LARP4B: variants seen among roughly 807,000 people sequenced by gnomAD.
LARP4B encodes La ribonucleoprotein 4B.
In LARP4B, 12 loss-of-function variants were observed where a neutral mutation model predicts 89.8. That is an observed-to-expected ratio of 0.13 (90% CI 0.09 to 0.22). The LOEUF (loss-of-function observed/expected upper bound fraction) is 0.22, where lower values mean the gene tolerates loss of function less well. LARP4B is among the 10% of genes least tolerant of loss of function. The probability of loss-of-function intolerance (pLI) is 1.00; values close to 1 mark genes in which losing one functional copy is unlikely to be tolerated. For missense variants in LARP4B, 757 were observed against 947.7 expected, an observed-to-expected ratio of 0.80 and a Z score of 2.64; for synonymous variants, 367 against 363.3, an observed-to-expected ratio of 1.01 and a Z score of -0.12.
intron 1 of LARP4B, among the ~76,000 whole-genome samples, chr10:887,435 T>C (rs959803281): frequency 6.8e-5 from 10 of 147,222 alleles, no homozygotes; most frequent in African/African-American, 2.2e-4. Context: ...AAAGGTCAGA[T>C]GTGGTGGCTC....
intron 1 of LARP4B, among the ~76,000 whole-genome samples, chr10:919,077 T>G (rs1303522442): frequency 2.4e-4 from 36 of 152,036 alleles, no homozygotes; most frequent in Non-Finnish European, 2.9e-5. Context: ...TGAGACTCCG[T>G]CTCAAAAAAA....
At chr10:902,024 A>G (rs1410860054) in intron 1 of LARP4B, among the ~76,000 whole-genome samples, 1 of 152,224 alleles carries the variant, frequency 6.6e-6, no homozygotes, top group Admixed American at 6.5e-5. Flanking sequence ...ACACACAAAA[A>G]AAGGACAACG....
the LARP4B span, among the ~76,000 whole-genome samples, chr10:937,586 A>AC: frequency 1.3e-3 from 203 of 151,382 alleles, no homozygotes; most frequent in African/African-American, 4.4e-3. Context: ...TGGCGGCCTG[A>AC]CCCCCCCTCC....
intron 1 of LARP4B, among the ~76,000 whole-genome samples, chr10:892,189 C>CAGG (rs1836049590): frequency 6.6e-6 from 1 of 152,216 alleles, no homozygotes; most frequent in South Asian, 2.1e-4. Flanking sequence ...CTGAATTGGA[C>CAGG]AGGAGGATTT....
chr10:898,900 T>C (rs571331909), intron 1 of LARP4B, among the ~76,000 whole-genome samples: 10 of 152,360 alleles, frequency 6.6e-5, no homozygotes, highest in Non-Finnish European at 1.5e-5. Context: ...TTCAACTATA[T>C]GTGCCTGGAG....
At chr10:958,225 C>A in the LARP4B span, among the ~76,000 whole-genome samples, 570 of 152,310 alleles carry the variant, frequency 3.7e-3, 1 homozygote, top group African/African-American at 0.013. Context: ...GAGAGCTGAC[C>A]TGTCTTGCTG....
intron 13 of LARP4B, 83 bp downstream of exon 13, chr10:824,982 A>G: frequency 7.5e-7 from 1 of 1,330,822 alleles, no homozygotes; most frequent in Non-Finnish European, 1.0e-6. Context: ...ACATATTTAA[A>G]GACAATTACA....
chr10:926,994 C>T (rs1206919297), intron 1 of LARP4B, among the ~76,000 whole-genome samples: 4 of 150,732 alleles, frequency 2.7e-5, no homozygotes, highest in Admixed American at 6.6e-5. Context: ...GAGCCGTGAT[C>T]GTGCCAGTGC....
At chr10:955,327 C>T in the LARP4B span, among the ~76,000 whole-genome samples, 4 of 152,242 alleles carry the variant, frequency 2.6e-5, no homozygotes, top group African/African-American at 7.2e-5. This position sits in a 1 kb window ranked among gnomAD's most constrained non-coding sequence, Gnocchi z 5.2. Flanking sequence ...GGGGGGCCCA[C>T]ACCACAGGCG....
intron 1 of LARP4B, among the ~76,000 whole-genome samples, chr10:910,584 G>C (rs185172265): frequency 1.3e-5 from 2 of 152,324 alleles, no homozygotes; most frequent in Admixed American, 1.3e-4. Context: ...TCCTTTAAGA[G>C]TGAGGGCTTT....
At chr10:944,309 C>G in the LARP4B span, among the ~76,000 whole-genome samples, 1 of 152,070 alleles carries the variant, frequency 6.6e-6, no homozygotes, top group African/African-American at 2.4e-5. Context: ...AAACCTGTTT[C>G]CTGGGAAGGT....
the LARP4B span, among the ~76,000 whole-genome samples, chr10:938,292 C>G: frequency 2.0e-5 from 3 of 150,680 alleles, no homozygotes; most frequent in East Asian, 5.8e-4. Flanking sequence ...GCTCTGTCAC[C>G]CAGGCTGGAG....
chr10:987,860 T>C, the LARP4B span: 1 of 152,346 alleles, frequency 6.6e-6, no homozygotes, highest in African/African-American at 2.4e-5. Flanking sequence ...CCGCCCGTTT[T>C]GGGATTTAAC....
At chr10:974,697 T>TGTTTACAG in the LARP4B span, among the ~76,000 whole-genome samples, 2 of 152,222 alleles carry the variant, frequency 1.3e-5, no homozygotes, top group African/African-American at 4.8e-5. Flanking sequence ...GGCCAGACTG[T>TGTTTACAG]AATCGGTTCT....
the LARP4B span, among the ~76,000 whole-genome samples, chr10:946,539 A>T: frequency 2.0e-5 from 3 of 152,220 alleles, no homozygotes; most frequent in East Asian, 5.8e-4. Flanking sequence ...AAAGAATCTC[A>T]TAGGGTTAGG....
rs1318738581 is a variant in LARP4B at position 813,153 on chromosome 10, A to G, written c.1990T>C (p.Ser664Pro). Residue 664 changes from serine to proline, a missense_variant, in exon 18 of 18, where the codon TCC (serine) becomes CCC (proline). By Grantham distance (74) the Ser-to-Pro change is moderately conservative (BLOSUM62 -1). Coordinates refer to ENST00000316157, the MANE Select transcript of LARP4B (RefSeq NM_015155.3). ...CQRTSKEPPS[S>P]PLQPQKEQKP... Reference sequence around the variant, plus strand: ...TGTTCTTTTTGGGGTTGCAATGGGGAAGAAGGAGGCTCTTTACTCGTTCTC... The same window carrying G: ...TGTTCTTTTTGGGGTTGCAATGGGGGAGAAGGAGGCTCTTTACTCGTTCTC... 1.9e-6 allele frequency: 3 copies of G among 1,613,874 alleles called. No homozygotes were observed. In the South Asian group the frequency reaches 3.3e-5, roughly 18 times the overall value.
At chr10:807,459 G>A (rs1420434434), downstream of LARP4B, 1 of 152,330 alleles carries the variant, frequency 6.6e-6, no homozygotes, top group Non-Finnish European at 1.5e-5. Context: ...GAATGAATTT[G>A]GCTGTCTTCT....
At chr10:909,020 C>A (rs1263210906) in intron 1 of LARP4B, among the ~76,000 whole-genome samples, 2 of 152,068 alleles carry the variant, frequency 1.3e-5, no homozygotes, top group Non-Finnish European at 2.9e-5. Context: ...TGCGGCCAGG[C>A]GCGGTGGCTC....
intron 1 of LARP4B, among the ~76,000 whole-genome samples, chr10:911,971 G>A (rs539465068): frequency 6.6e-6 from 1 of 152,302 alleles, no homozygotes; most frequent in East Asian, 1.9e-4. Flanking sequence ...AACACTTGGA[G>A]GTTAGGAGAG....
Sources: allele counts gnomAD v4.1 joint callset (sites outside exome capture counted in the v4.1 genomes callset), GRCh38; gene constraint gnomAD v4.1.1; non-coding constraint Gnocchi (gnomAD v3.1); transcripts MANE v1.5; gene names NCBI Gene and HGNC (gene_info 2026-07-23, HGNC 2026-07-21).